Variants in KIF20B observed in about 807,000 individuals in gnomAD.
The protein encoded by KIF20B is kinesin-like protein KIF20B.
Under a neutral mutation model 232.5 loss-of-function variants are expected in KIF20B, and 188 were observed. The observed-to-expected ratio is 0.81, with a 90% CI of 0.72 to 0.91. The LOEUF (loss-of-function observed/expected upper bound fraction) is 0.91. Ranked by LOEUF, KIF20B falls within the 40% of genes least tolerant of loss-of-function variation. The probability of loss-of-function intolerance (pLI) is 0.00; values close to 1 mark genes in which losing one functional copy is unlikely to be tolerated. For missense variants in KIF20B, 2,154 were observed against 2,055.9 expected, an observed-to-expected ratio of 1.05 and a Z score of -0.92; for synonymous variants, 712 against 683.0, an observed-to-expected ratio of 1.04 and a Z score of -0.66.
At chr10:89,716,857 AT>A (rs1316084655) in intron 9 of KIF20B, among the ~76,000 whole-genome samples, 2 of 152,182 alleles carry the variant, frequency 1.3e-5, no homozygotes, top group Non-Finnish European at 2.9e-5. Flanking sequence ...TTTCTCACTT[AT>A]CCCCTGAATA....
Position 89,717,626 on chromosome 10 carries a change from A to G in KIF20B, c.1175A>G (p.Asn392Ser), listed in dbSNP as rs1842961492. The change falls in exon 11 of 33, where the codon AAT becomes AGT. Residue 392 changes from asparagine (N) to serine (S), a missense_variant. Asn to Ser is a conservative substitution (Grantham distance 46, BLOSUM62 1). Transcript: ENST00000371728. ...AGSERTMKTQ[N>S]EGERLRETGN... ...TCAGAACGAACTATGAAGACACAGA[A>G]TGAAGGTGAAAGGTTAAGAGAGACT... The G allele has an allele frequency of 6.2e-7, 1 of 1,612,002 alleles. No individual in the cohort carries two copies. Among genetic ancestry groups the G allele is most frequent in the African/African-American group, 1.3e-5 (1 of 75,002 alleles).
At chr10:89,725,429 C>A (rs1431695174) in intron 15 of KIF20B, among the ~76,000 whole-genome samples, 1 of 151,654 alleles carries the variant, frequency 6.6e-6, no homozygotes, top group Non-Finnish European at 1.5e-5. Flanking sequence ...CAGATAGATT[C>A]TTTTTTGAGA....
At chr10:89,764,929 T>G (rs1487849742) in intron 29 of KIF20B, among the ~76,000 whole-genome samples, 1 of 151,756 alleles carries the variant, frequency 6.6e-6, no homozygotes, top group Admixed American at 6.6e-5. Context: ...TTTTGGCTTT[T>G]GTTGCCATTG....
chr10:89,722,534 T>C (rs1843084275), intron 13 of KIF20B, among the ~76,000 whole-genome samples: 1 of 152,090 alleles, frequency 6.6e-6, no homozygotes, highest in Admixed American at 6.6e-5. Context: ...CCAGGCGTGG[T>C]TTCTGGCGCC....
At chr10:89,745,861 G>A (rs997454991) in intron 22 of KIF20B, 38 bp from the exon 23 acceptor site, 11 of 1,358,466 alleles carry the variant, frequency 8.1e-6, no homozygotes, top group Non-Finnish European at 1.2e-5. Context: ...GTGTTTTTAA[G>A]TTAATTTGCA....
chr10:89,748,006 C>T (rs1841952442), intron 23 of KIF20B, among the ~76,000 whole-genome samples: 1 of 152,080 alleles, frequency 6.6e-6, no homozygotes, highest in South Asian at 2.1e-4. Context: ...TGAAATATTA[C>T]AAAATTACTT....
chr10:89,768,619 T>TA (rs1298470573), intron 30 of KIF20B, 119 bp from the exon 31 acceptor site: 3 of 1,008,228 alleles, frequency 3.0e-6, no homozygotes, highest in Admixed American at 3.1e-5. Flanking sequence ...CTTACATACT[T>TA]AAAGTTTCCT....
intron 28 of KIF20B, among the ~76,000 whole-genome samples, chr10:89,762,318 G>T (rs1443152886): frequency 1.3e-5 from 2 of 152,152 alleles, no homozygotes; most frequent in African/African-American, 4.8e-5. Context: ...GTTTGTCAAA[G>T]ATCTCAGCCT....
intron 23 of KIF20B, among the ~76,000 whole-genome samples, chr10:89,750,148 G>T (rs1033947593): frequency 3.9e-5 from 6 of 152,034 alleles, no homozygotes; most frequent in Non-Finnish European, 7.4e-5. Flanking sequence ...TAGTTTGCTA[G>T]CTTTCAAATA....
chr10:89,761,587 C>T (rs935945933), intron 28 of KIF20B, among the ~76,000 whole-genome samples: 2 of 152,108 alleles, frequency 1.3e-5, no homozygotes, highest in African/African-American at 4.8e-5. Context: ...GCTGGGACTA[C>T]AGGCATGTGC....
chr10:89,725,242 A>G, intron 15 of KIF20B, 84 bp downstream of exon 15: 1 of 1,200,006 alleles, frequency 8.3e-7, no homozygotes, highest in Non-Finnish European at 1.2e-6. Context: ...GAGAAACACC[A>G]AGATAGTTTA....
intron 22 of KIF20B, among the ~76,000 whole-genome samples, chr10:89,744,320 C>T (rs10881651): frequency 0.31 from 47,229 of 151,660 alleles, 8,276 homozygotes; most frequent in African/African-American, 0.47. Context: ...AGACTCTTCA[C>T]GAAAAAACAT....
intron 17 of KIF20B, among the ~76,000 whole-genome samples, chr10:89,728,472 A>G (rs1157565925): frequency 2.0e-5 from 3 of 152,122 alleles, no homozygotes; most frequent in Non-Finnish European, 4.4e-5. Context: ...GAGCAACTTT[A>G]TGATGTAACT....
rs1219921296 is a variant in KIF20B at position 89,738,546 on chromosome 10, T to C, written c.3705T>C (p.Asn1235=). ...LKEEITQLTN[N]LQDMKHLLQL... Reference sequence around the variant, plus strand: ...AAGAAATCACACAGTTAACAAATAATTTGCAAGATATGAAACATTTACTTC... The same window carrying C: ...AAGAAATCACACAGTTAACAAATAACTTGCAAGATATGAAACATTTACTTC... Residue 1235 remains asparagine (N), a synonymous_variant, in exon 20 of 33, where the codon AAT becomes AAC. Coordinates refer to ENST00000371728, the MANE Select transcript of KIF20B (RefSeq NM_001284259.2). 3.8e-6 allele frequency: 6 copies of C among 1,591,474 alleles called. No homozygotes were observed. The South Asian group carries it at 7.0e-5, about 19-fold the overall frequency.
intron 13 of KIF20B, chr10:89,723,693 C>T (rs1843116061): frequency 5.1e-6 from 1 of 197,134 alleles, no homozygotes; most frequent in South Asian, 1.5e-4. Flanking sequence ...ATAATAAATG[C>T]ACTAATTAAC....
chr10:89,712,928 A>G (rs1237186157), intron 6 of KIF20B, among the ~76,000 whole-genome samples: 1 of 152,182 alleles, frequency 6.6e-6, no homozygotes, highest in Non-Finnish European at 1.5e-5. Context: ...GGCAGTAAAA[A>G]GTGTGTTACC....
intron 15 of KIF20B, 143 bp from the exon 16 acceptor site, chr10:89,726,150 G>A: frequency 4.7e-6 from 5 of 1,071,326 alleles, no homozygotes; most frequent in Non-Finnish European, 6.2e-6. Flanking sequence ...TTCATAATTG[G>A]AGTTGCTTCT....
Position 89,710,037 on chromosome 10 carries a change from C to A in KIF20B, c.462C>A (p.Thr154=). The A allele has an allele frequency of 6.2e-7, 1 of 1,607,338 alleles. No individual in the cohort carries two copies. The highest frequency in any genetic ancestry group is 8.5e-7 in the Non-Finnish European group (1 of 1,177,114). The change falls in exon 5 of 33, where the codon ACC becomes ACA. Residue 154 remains threonine (T), a synonymous_variant. Transcript: ENST00000371728. ...QSRLIFTYGL[T]NSGKTYTFQG... ...GTCTGATTTTTACTTACGGGCTAAC[C>A]AATTCAGGAAAAACATATACATTTC... is the stretch of plus-strand genomic sequence containing the variant.
At chr10:89,718,055 T>C (rs1055332595) in intron 11 of KIF20B, among the ~76,000 whole-genome samples, 1 of 152,208 alleles carries the variant, frequency 6.6e-6, no homozygotes, top group African/African-American at 2.4e-5. Flanking sequence ...ATGCAATAGA[T>C]TTTTACATTA....
Sources: allele counts gnomAD v4.1 joint callset (sites outside exome capture counted in the v4.1 genomes callset), GRCh38; gene constraint gnomAD v4.1.1; transcripts MANE v1.5; gene names NCBI Gene and HGNC (gene_info 2026-07-23, HGNC 2026-07-21).